TNKS: variants seen among roughly 807,000 people sequenced by gnomAD.
TNKS encodes the protein poly [ADP-ribose] polymerase tankyrase-1.
Under a neutral mutation model 135.8 loss-of-function variants are expected in TNKS, and 72 were observed. The observed-to-expected ratio is 0.53, with a 90% confidence interval of 0.44 to 0.64. The LOEUF (loss-of-function observed/expected upper bound fraction) is 0.64, where lower values mean the gene tolerates loss of function less well. Among genes scored for constraint, TNKS ranks in the 30% least tolerant of loss-of-function variants. The pLI is 0.00. For synonymous variants in TNKS, 849 were observed against 649.3 expected, an observed-to-expected ratio of 1.31 and a Z score of -4.68; for missense variants, 1,769 against 1,674.0, an observed-to-expected ratio of 1.06 and a Z score of -0.99.
intron 20 of TNKS, among the ~76,000 whole-genome samples, chr8:9,758,776 T>C (rs1189802807): frequency 1.3e-5 from 2 of 152,186 alleles, no homozygotes; most frequent in African/African-American, 4.8e-5. Context: ...TTATGGAGTA[T>C]TACTTACCTG....
chr8:9,646,831 G>T (rs1800936282), intron 3 of TNKS, among the ~76,000 whole-genome samples: 1 of 152,000 alleles, frequency 6.6e-6, no homozygotes, highest in East Asian at 1.9e-4. Flanking sequence ...ATCCTTTGGG[G>T]TCCTATGAGT....
rs1031608335 is a variant in TNKS, at chr8:9,757,948, A to T, written c.3154-3568A>T. On this transcript the variant is annotated intron_variant, in intron 20 of 26. Coordinates refer to ENST00000310430, the MANE Select transcript of TNKS (RefSeq NM_003747.3). ...GCCACTGCCTGATAGATATGTGGACAAATTGGACACCATGTAACTCACTGC... is the reference window on the plus strand; with the variant it reads ...GCCACTGCCTGATAGATATGTGGACTAATTGGACACCATGTAACTCACTGC... Among the ~76,000 whole-genome samples, 6 of 152,216 alleles carry T rather than the reference A, an allele frequency of 3.9e-5. No individual in the cohort carries two copies. The South Asian group carries it at 1.2e-3, about 32-fold the overall frequency.
chr8:9,719,826 G>A (rs1256763895), intron 11 of TNKS, among the ~76,000 whole-genome samples: 1 of 152,086 alleles, frequency 6.6e-6, no homozygotes, highest in Non-Finnish European at 1.5e-5. Context: ...ACTCTTCAAA[G>A]CTTTAAAAAG....
intron 2 of TNKS, among the ~76,000 whole-genome samples, chr8:9,594,767 A>G (rs868497208): frequency 3.9e-5 from 6 of 152,298 alleles, no homozygotes; most frequent in African/African-American, 1.4e-4. Context: ...AAACAGTAGT[A>G]TAAAGAATAT....
Position 9,615,583 on chromosome 8 carries a change from G to C in TNKS, c.900G>C (p.Val300=), listed in dbSNP as rs1799612980. The change falls in exon 3 of 27, where the codon GTG becomes GTC. Residue 300 remains valine, a splice_region_variant and synonymous_variant. Coordinates refer to ENST00000310430, the MANE Select transcript of TNKS (RefSeq NM_003747.3). ...AIKGKIDVCI[V]LLQHGADPNI... Reference sequence around the variant, plus strand: ...ACTGTTTCTGCTTTCCCTGCACAGTGCTGCTGCAGCACGGAGCTGACCCAA... The same window carrying C: ...ACTGTTTCTGCTTTCCCTGCACAGTCCTGCTGCAGCACGGAGCTGACCCAA... The C allele has an allele frequency of 6.2e-7, 1 of 1,612,630 alleles. No individual in the cohort carries two copies. Among genetic ancestry groups the C allele is most frequent in the African/African-American group, 1.3e-5 (1 of 74,812 alleles).
chr8:9,751,796 C>T lies in TNKS; in HGVS notation c.3020C>T (p.Ala1007Val), dbSNP rs1384823867. 1.2e-6 allele frequency: 2 copies of T among 1,614,148 alleles called. No homozygotes were observed. The highest frequency in any genetic ancestry group is 1.7e-6 in the Non-Finnish European group (2 of 1,180,036). The change falls in exon 19 of 27, where the codon GCC (alanine) becomes GTC (valine). Residue 1007 changes from alanine to valine, a missense_variant. Ala to Val is a moderately conservative substitution (Grantham distance 64). Coordinates refer to ENST00000310430, the MANE Select transcript of TNKS (RefSeq NM_003747.3). The part of the protein sequence containing the change: ...GPLAELAVGG[A>V]SNAGDGAAGT... ...TTAGCAGAGTTGGCCGTAGGAGGAGCCTCCAATGCAGGGGATGGCGCCGCG... is the reference window on the plus strand; with the variant it reads ...TTAGCAGAGTTGGCCGTAGGAGGAGTCTCCAATGCAGGGGATGGCGCCGCG...
At chr8:9,667,588 A>T (rs1479929487) in intron 3 of TNKS, among the ~76,000 whole-genome samples, 3 of 152,176 alleles carry the variant, frequency 2.0e-5, no homozygotes, top group Admixed American at 6.5e-5. Flanking sequence ...CTTTGTTGTG[A>T]TTATTGTGTA....
intron 11 of TNKS, 131 bp downstream of exon 11, chr8:9,710,351 C>A (rs1179926126): frequency 5.1e-6 from 4 of 785,344 alleles, no homozygotes; most frequent in South Asian, 3.1e-5. Flanking sequence ...TACTTAAATT[C>A]ATGGATTCTC....
intron 5 of TNKS, among the ~76,000 whole-genome samples, chr8:9,682,403 G>A (rs1802820398): frequency 1.3e-5 from 2 of 151,980 alleles, no homozygotes; most frequent in South Asian, 4.2e-4. Flanking sequence ...CATGATCCCT[G>A]ATATTTAACA....
At chr8:9,588,358 T>G (rs1337844126) in intron 2 of TNKS, among the ~76,000 whole-genome samples, 1 of 152,030 alleles carries the variant, frequency 6.6e-6, no homozygotes, top group Non-Finnish European at 1.5e-5. Context: ...CACTGCAAGC[T>G]CTGCCTCCCA....
At chr8:9,771,424 A>T in intron 26 of TNKS, among the ~76,000 whole-genome samples, 1 of 90,476 alleles carries the variant, frequency 1.1e-5, no homozygotes, top group East Asian at 3.9e-4. Context: ...GATACTAAGG[A>T]AGGGAGGGAC....
chr8:9,560,772 C>G (rs1387236517), intron 1 of TNKS, among the ~76,000 whole-genome samples: 2 of 151,778 alleles, frequency 1.3e-5, no homozygotes, highest in African/African-American at 4.8e-5. Context: ...AATATCTTCC[C>G]AGACTTAAAA....
At chr8:9,770,979 G>A (rs181476200) in intron 26 of TNKS, among the ~76,000 whole-genome samples, 10 of 152,268 alleles carry the variant, frequency 6.6e-5, no homozygotes, top group Admixed American at 5.2e-4. Flanking sequence ...ATATGGAATG[G>A]AGAAGGTAAG....
intron 13 of TNKS, 44 bp from the exon 14 acceptor site, chr8:9,730,846 G>C (rs1285635381): frequency 8.9e-6 from 14 of 1,581,748 alleles, no homozygotes; most frequent in South Asian, 1.1e-5. Context: ...TGAATAAAGA[G>C]TAATGTTCGT....
Position 9,733,404 on chromosome 8 carries a change from C to T in TNKS, c.2273C>T (p.Ala758Val). 6.2e-7 allele frequency: 1 copy of T among 1,613,558 alleles called. No individual in the cohort carries two copies. Among genetic ancestry groups the T allele is most frequent in the South Asian group, 1.1e-5 (1 of 90,984 alleles). Residue 758 changes from alanine to valine, a missense_variant, in exon 15 of 27, where the codon GCA (alanine) becomes GTA (valine). Around this residue, in one of 5 missense-constraint regions of TNKS, gnomAD observed 69 missense variants for 120.3 expected, o/e 0.57. Coordinates refer to ENST00000310430, the MANE Select transcript of TNKS (RefSeq NM_003747.3). ...AAATTTACCCCTCTCCATGAAGCAG[C>T]AGCTAAAGGAAAGTATGAAATCTGC... ...LWKFTPLHEA[A>V]AKGKYEICKL... is the part of the protein sequence containing the mutation.
chr8:9,626,156 ACT>A (rs1171391029), intron 3 of TNKS, among the ~76,000 whole-genome samples: 5 of 151,882 alleles, frequency 3.3e-5, no homozygotes, highest in Admixed American at 6.6e-5. Flanking sequence ...TTTTATAAAA[ACT>A]CTTTCATAAT....
chr8:9,693,859 A>G (rs1440589220), intron 5 of TNKS, among the ~76,000 whole-genome samples: 2 of 152,214 alleles, frequency 1.3e-5, no homozygotes, highest in Non-Finnish European at 2.9e-5. Context: ...ATCCAGAAAC[A>G]AAGAAACTGA....
chr8:9,575,180 G>A (rs1183562181), intron 1 of TNKS: 4 of 666,866 alleles, frequency 6.0e-6, no homozygotes, highest in Admixed American at 1.3e-4. Flanking sequence ...TCCGCCTCCC[G>A]GGTTCACGCC....
intron 3 of TNKS, among the ~76,000 whole-genome samples, chr8:9,632,356 G>A (rs1455654929): frequency 2.6e-5 from 4 of 152,122 alleles, no homozygotes; most frequent in African/African-American, 9.7e-5. Context: ...ATGAATACCT[G>A]TATACTCTCG....
Sources: gnomAD v4.1 joint callset for allele counts (sites outside exome capture counted in the v4.1 genomes callset) on GRCh38, gnomAD v4.1.1 for gene constraint, gnomAD v4.1.1 regional missense constraint, MANE v1.5 for transcripts, NCBI Gene and HGNC (gene_info 2026-07-23, HGNC 2026-07-21) for gene names.